The following TMED3 variants were observed in gnomAD, a reference collection of about 807,000 sequenced individuals.
TMED3 encodes the protein transmembrane emp24 domain-containing protein 3.
A neutral mutation model predicts 15.0 loss-of-function variants in TMED3; 9 were observed. The ratio of observed to expected loss-of-function variants is 0.60; its 90% CI spans 0.36 to 1.04. The LOEUF is 1.04. TMED3 is among the 50% of genes least tolerant of loss of function. The probability of loss-of-function intolerance (pLI) is 0.01; values close to 1 mark genes in which losing one functional copy is unlikely to be tolerated. For synonymous variants in TMED3, 117 were observed against 121.4 expected, an observed-to-expected ratio of 0.96 and a Z score of 0.24; for missense variants, 267 against 278.9, an observed-to-expected ratio of 0.96 and a Z score of 0.30.
At chr15:79,374,852 G>A (rs1470877762) in intron 2 of TMED3, among the ~76,000 whole-genome samples, 1 of 152,054 alleles carries the variant, frequency 6.6e-6, no homozygotes, top group East Asian at 1.9e-4. Flanking sequence ...TTGGATTCTG[G>A]ACCCCAAGAA....
At chr15:79,407,315 C>T (rs1049074572) in intron 2 of TMED3, among the ~76,000 whole-genome samples, 1 of 152,228 alleles carries the variant, frequency 6.6e-6, no homozygotes, top group African/African-American at 2.4e-5. Flanking sequence ...TCTCCCAACA[C>T]AGCTTTATAT....
At chr15:79,354,917 T>A (rs891634501) in intron 2 of TMED3, among the ~76,000 whole-genome samples, 1 of 152,150 alleles carries the variant, frequency 6.6e-6, no homozygotes, top group Non-Finnish European at 1.5e-5. Context: ...TCATCAGGCA[T>A]GACCTTAGCC....
At chr15:79,362,662 T>C (rs1427957468) in intron 2 of TMED3, among the ~76,000 whole-genome samples, 4 of 152,140 alleles carry the variant, frequency 2.6e-5, no homozygotes, top group African/African-American at 7.2e-5. Context: ...GTTTTTCCTG[T>C]GCTGTCCTCA....
chr15:79,370,742 A>T (rs1893323571), intron 2 of TMED3, among the ~76,000 whole-genome samples: 1 of 152,116 alleles, frequency 6.6e-6, no homozygotes, highest in African/African-American at 2.4e-5. Flanking sequence ...GAACCTGTGG[A>T]TATAGTTTTG....
At chr15:79,393,395 G>C (rs1322990320) in intron 2 of TMED3, among the ~76,000 whole-genome samples, 1 of 152,194 alleles carries the variant, frequency 6.6e-6, no homozygotes, top group Non-Finnish European at 1.5e-5. Context: ...GAATCAACCA[G>C]AGTACCTCTC....
At chr15:79,411,516 C>G (rs544520989) in exon 3 of TMED3, 9 of 701,516 alleles carry the variant, frequency 1.3e-5, no homozygotes, top group Non-Finnish European at 2.3e-5. Context: ...AGATTTTCAG[C>G]GGGGAGGCAC....
intron 2 of TMED3, among the ~76,000 whole-genome samples, chr15:79,376,739 C>G (rs1893432918): frequency 6.6e-6 from 1 of 152,138 alleles, no homozygotes; most frequent in South Asian, 2.1e-4. Flanking sequence ...CTCAAAATAT[C>G]TTTTGTTTAG....
At chr15:79,371,826 C>T (rs1447716530) in intron 2 of TMED3, among the ~76,000 whole-genome samples, 1 of 152,186 alleles carries the variant, frequency 6.6e-6, no homozygotes, top group Non-Finnish European at 1.5e-5. Context: ...TCTGGTTATG[C>T]ACCTCTGGGG....
At chr15:79,345,017 G>A (rs1567028520) in intron 2 of TMED3, among the ~76,000 whole-genome samples, 1 of 152,106 alleles carries the variant, frequency 6.6e-6, no homozygotes, top group African/African-American at 2.4e-5. Context: ...AAAACAGGGG[G>A]ACAATGAAAG....
chr15:79,367,504 C>G (rs1893258191), intron 2 of TMED3, among the ~76,000 whole-genome samples: 1 of 152,228 alleles, frequency 6.6e-6, no homozygotes, highest in South Asian at 2.1e-4. Context: ...AAGCCCAAGT[C>G]CTATCATAGG....
rs749729519 is a variant in TMED3 at position 79,322,167 on chromosome 15, A to G, written c.607A>G (p.Ser203Gly). ...VSFSQVLLLK[S>G]FFTEKRPISR... ...CTTCAGTCAGGTGCTACTGTTGAAA[A>G]GCTTCTTCACAGAAAAACGACCCAT... The change falls in exon 3 of 3, where the codon AGC becomes GGC. Residue 203 changes from serine (S) to glycine (G), a missense_variant. This residue lies in a region of TMED3 where 139 missense variants were observed against 125.0 expected (regional missense o/e 1.11). Transcript: ENST00000299705. 6.2e-7 allele frequency: 1 copy of G among 1,614,144 alleles called. No homozygotes were observed. The highest frequency in any genetic ancestry group is 8.5e-7 in the Non-Finnish European group (1 of 1,180,010).
chr15:79,361,383 A>G (rs1472125639), intron 2 of TMED3, among the ~76,000 whole-genome samples: 1 of 152,238 alleles, frequency 6.6e-6, no homozygotes, highest in Non-Finnish European at 1.5e-5. Context: ...TTAAACATTC[A>G]ATATATACGA....
chr15:79,353,865 T>A (rs192879186), intron 2 of TMED3, among the ~76,000 whole-genome samples: 129 of 152,308 alleles, frequency 8.5e-4, no homozygotes, highest in Non-Finnish European at 2.4e-4. Flanking sequence ...CTTTGTCATA[T>A]GCTTCTTCCC....
At chr15:79,336,317 C>T (rs1444946947) in intron 2 of TMED3, among the ~76,000 whole-genome samples, 5 of 152,192 alleles carry the variant, frequency 3.3e-5, no homozygotes, top group African/African-American at 7.2e-5. Flanking sequence ...CCCCCACTGG[C>T]TGGCTAGTGG....
At chr15:79,360,148 G>T (rs868030793) in intron 2 of TMED3, among the ~76,000 whole-genome samples, 1 of 152,180 alleles carries the variant, frequency 6.6e-6, no homozygotes, top group Non-Finnish European at 1.5e-5. Context: ...CATGGGATCC[G>T]AGAACAATAG....
At chr15:79,405,564 G>A (rs1396547091) in intron 2 of TMED3, among the ~76,000 whole-genome samples, 1 of 152,208 alleles carries the variant, frequency 6.6e-6, no homozygotes, top group Non-Finnish European at 1.5e-5. Flanking sequence ...GCAGGGTGCA[G>A]CAACCAATCT....
chr15:79,313,380 C>A (rs1157378064), intron 1 of TMED3, among the ~76,000 whole-genome samples: 1 of 152,072 alleles, frequency 6.6e-6, no homozygotes, highest in Non-Finnish European at 1.5e-5. Flanking sequence ...GCACTGGAAC[C>A]AAAAGCTCTC....
intron 2 of TMED3, among the ~76,000 whole-genome samples, chr15:79,387,594 GCACACACACACACACA>G (rs60358297): frequency 2.0e-5 from 3 of 149,306 alleles, no homozygotes; most frequent in African/African-American, 7.5e-5. Context: ...ACATGCACCT[GCACACACACACACACA>G]CACACACACA....
intron 2 of TMED3, among the ~76,000 whole-genome samples, chr15:79,356,902 G>T (rs1263167844): frequency 2.6e-5 from 4 of 152,194 alleles, no homozygotes; most frequent in Admixed American, 2.6e-4. Context: ...GGAATATTAT[G>T]TAGGCATTAA....
Sources: allele counts gnomAD v4.1 joint callset (sites outside exome capture counted in the v4.1 genomes callset), GRCh38; gene constraint gnomAD v4.1.1; regional missense constraint gnomAD v4.1.1; transcripts MANE v1.5; gene names NCBI Gene and HGNC (gene_info 2026-07-23, HGNC 2026-07-21).